The following IRAG1 variants were observed in gnomAD, a reference collection of about 807,000 sequenced individuals.
IRAG1 encodes the protein inositol 1,4,5-triphosphate receptor associated 1.
A neutral mutation model predicts 106.2 loss-of-function variants in IRAG1; 62 were observed. That is an observed-to-expected ratio of 0.58 (90% CI 0.48 to 0.72). The LOEUF (loss-of-function observed/expected upper bound fraction) is 0.72. Among genes scored for constraint, IRAG1 ranks in the 30% least tolerant of loss-of-function variants. The pLI is 0.00. For missense variants in IRAG1, 1,064 were observed against 1,140.7 expected, an observed-to-expected ratio of 0.93 and a Z score of 0.97; for synonymous variants, 462 against 443.9, an observed-to-expected ratio of 1.04 and a Z score of -0.51.
intron 1 of IRAG1, among the ~76,000 whole-genome samples, chr11:10,655,808 T>C (rs1858875834): frequency 6.6e-6 from 1 of 152,170 alleles, no homozygotes; most frequent in Non-Finnish European, 1.5e-5. Context: ...CTTAAGTCAG[T>C]CCCTGTGACA....
At position 10,609,759 on chromosome 11, in the gene IRAG1, T is replaced by G; in HGVS notation, c.1540A>C (p.Lys514Gln). ...GGGAGACTCCTGTGGACCCGCAGTT[T>G]GCGCAGCAGCACATCAGAAATATTA... ...MPNISDVLLR[K>Q]LRVHRSLPGS... The change falls in exon 11 of 21, where the codon AAA becomes CAA. Residue 514 changes from lysine to glutamine, a missense_variant. By Grantham distance (53) the Lys-to-Gln change is moderately conservative. Coordinates refer to ENST00000423302, the MANE Select transcript of IRAG1 (RefSeq NM_130385.4). The G allele has an allele frequency of 6.2e-7, 1 of 1,613,964 alleles. No individual in the cohort carries two copies. Among genetic ancestry groups the G allele is most frequent in the Non-Finnish European group, 8.5e-7 (1 of 1,179,850 alleles).
chr11:10,580,516 T>G lies in IRAG1; in HGVS notation c.2434A>C (p.Ser812Arg). ...TCTACCTCTTCAGGTTCCTCAGGACTCTCACTCTTCTGTTCTTCCTCCTCC... is the reference window on the plus strand; with the variant it reads ...TCTACCTCTTCAGGTTCCTCAGGACGCTCACTCTTCTGTTCTTCCTCCTCC... ...KEEEEEQKSE[S>R]PEEPEEVEET... Residue 812 changes from serine to arginine, a missense_variant, in exon 20 of 21, where the codon AGT becomes CGT. Transcript: ENST00000423302. The G allele has an allele frequency of 6.2e-7, 1 of 1,613,934 alleles. No individual in the cohort carries two copies. The highest frequency in any genetic ancestry group is 8.5e-7 in the Non-Finnish European group (1 of 1,179,836).
intron 18 of IRAG1, among the ~76,000 whole-genome samples, chr11:10,587,171 C>G (rs568260218): frequency 4.9e-4 from 75 of 152,280 alleles, no homozygotes; most frequent in South Asian, 8.3e-4. Context: ...ACACGTGCAC[C>G]AGGTCAAAAA....
rs747692624 is a variant in IRAG1 at position 10,601,048 on chromosome 11, C to T, written c.1887G>A (p.Met629Ile). Residue 629 changes from methionine (M) to isoleucine (I), a missense_variant, in exon 15 of 21, where the codon ATG (methionine) becomes ATA (isoleucine). By Grantham distance (10) the Met-to-Ile change is conservative (BLOSUM62 1). Transcript: ENST00000423302. ...VVGAVRQEKR[M>I]SKATEVMMQY... ...GCATCATCACTTCCGTTGCTTTCGA[C>T]ATGCGCTTTTCCTGCGGGGAAGGAG... 2.5e-5 allele frequency: 40 copies of T among 1,613,886 alleles called. No individual in the cohort carries two copies. The highest frequency in any genetic ancestry group is 3.2e-5 in the Non-Finnish European group (38 of 1,179,900).
In IRAG1 at chr11:10,576,078, A is replaced by C; in HGVS notation, c.*254T>G. 4.0e-6 allele frequency: 2 copies of C among 497,346 alleles called. No homozygotes were observed. Among genetic ancestry groups the C allele is most frequent in the Non-Finnish European group, 3.6e-6 (1 of 274,432 alleles). 30.8% of individuals were successfully genotyped at this position (497,346 alleles called of 1,614,324 possible). On this transcript the variant is annotated 3_prime_UTR_variant, in exon 21 of 21. Transcript: ENST00000423302. ...CTAGGGGCAGGAGACCTTCCCTTCCAATAGAGTTCCTTGGTGAAGGTGACT... is the reference window on the plus strand; with the variant it reads ...CTAGGGGCAGGAGACCTTCCCTTCCCATAGAGTTCCTTGGTGAAGGTGACT...
At chr11:10,691,987 A>T (rs1361505584) in intron 1 of IRAG1, among the ~76,000 whole-genome samples, 1 of 152,212 alleles carries the variant, frequency 6.6e-6, no homozygotes, top group Non-Finnish European at 1.5e-5. Context: ...GGGAAGGGGA[A>T]CAGTGTTCAA....
At chr11:10,608,052 T>G (rs887449200) in intron 11 of IRAG1, among the ~76,000 whole-genome samples, 2 of 152,208 alleles carry the variant, frequency 1.3e-5, no homozygotes, top group Non-Finnish European at 2.9e-5. Context: ...AAACCAAACA[T>G]TTTTCTATTT....
chr11:10,646,786 G>C (rs950033705), intron 2 of IRAG1, among the ~76,000 whole-genome samples: 1 of 152,166 alleles, frequency 6.6e-6, no homozygotes, highest in African/African-American at 2.4e-5. Flanking sequence ...GAGACCCAGA[G>C]TGCCTCATGC....
chr11:10,576,695 A>G (rs1850846462), intron 20 of IRAG1, 120 bp from the exon 21 acceptor site: 1 of 1,271,260 alleles, frequency 7.9e-7, no homozygotes, highest in Non-Finnish European at 1.1e-6. Flanking sequence ...TCTCAAACTT[A>G]GCTGTGCCTA....
At chr11:10,668,468 C>G (rs1438320748) in intron 1 of IRAG1, among the ~76,000 whole-genome samples, 1 of 152,160 alleles carries the variant, frequency 6.6e-6, no homozygotes. Flanking sequence ...CAAATCTGAC[C>G]AACTAATGGT....
chr11:10,634,807 T>G (rs552837038), intron 2 of IRAG1, among the ~76,000 whole-genome samples: 1 of 147,654 alleles, frequency 6.8e-6, no homozygotes, highest in Non-Finnish European at 1.5e-5. Flanking sequence ...AATATTTTAT[T>G]GTGTATATAT....
chr11:10,597,966 T>C (rs926872470), intron 15 of IRAG1, among the ~76,000 whole-genome samples: 3 of 152,250 alleles, frequency 2.0e-5, no homozygotes, highest in Non-Finnish European at 4.4e-5. Context: ...CTGCTGTCAC[T>C]TTGTGAGCAC....
chr11:10,621,602 CTG>C (rs1855840071), intron 10 of IRAG1, among the ~76,000 whole-genome samples: 1 of 152,180 alleles, frequency 6.6e-6, no homozygotes, highest in African/African-American at 2.4e-5. Flanking sequence ...AGTTTTAAAA[CTG>C]TTCATGAGAT....
At chr11:10,621,847 G>A (rs906404682) in intron 10 of IRAG1, among the ~76,000 whole-genome samples, 7 of 152,130 alleles carry the variant, frequency 4.6e-5, no homozygotes, top group Non-Finnish European at 1.0e-4. Context: ...AAATGAGCTC[G>A]ACACAAAAGG....
chr11:10,674,377 T>G (rs1860482892), intron 1 of IRAG1, among the ~76,000 whole-genome samples: 2 of 152,090 alleles, frequency 1.3e-5, no homozygotes, highest in Non-Finnish European at 1.5e-5. Flanking sequence ...ATAAACGGGT[T>G]TTTACAAGTA....
intron 12 of IRAG1, among the ~76,000 whole-genome samples, chr11:10,605,175 A>T (rs1854377911): frequency 6.6e-6 from 1 of 152,258 alleles, no homozygotes; most frequent in Non-Finnish European, 1.5e-5. Flanking sequence ...TGAAAAGATA[A>T]TATTGGTCAT....
In IRAG1 at chr11:10,663,383, T is replaced by G. The variant is rs75429394; in HGVS notation, c.68-11201A>C. On this transcript the variant is annotated intron_variant, in intron 1 of 20. Coordinates refer to ENST00000423302, the MANE Select transcript of IRAG1 (RefSeq NM_130385.4). ...TATTAGGAACCTGTAGGAATACATA[T>G]AGGAATATAGGAATATATGTAGGAA... Among the ~76,000 whole-genome samples, 144 of 152,198 alleles carry G rather than the reference T, an allele frequency of 9.5e-4. 2 individuals carry two copies. The East Asian group carries it at 0.023, about 24-fold the overall frequency.
chr11:10,614,978 T>G (rs1265281738), intron 10 of IRAG1, among the ~76,000 whole-genome samples: 2 of 152,128 alleles, frequency 1.3e-5, no homozygotes, highest in African/African-American at 4.8e-5. Flanking sequence ...CAAAAGAAAC[T>G]ACCATCAGAG....
intron 1 of IRAG1, among the ~76,000 whole-genome samples, chr11:10,674,839 G>C (rs1388443486): frequency 2.0e-5 from 3 of 152,214 alleles, no homozygotes; most frequent in Non-Finnish European, 4.4e-5. Context: ...TCTCTTGCCC[G>C]GGTCCCTCTT....
Sources: gnomAD v4.1 joint callset for allele counts (sites outside exome capture counted in the v4.1 genomes callset) on GRCh38, gnomAD v4.1.1 for gene constraint, MANE v1.5 for transcripts, NCBI Gene and HGNC (gene_info 2026-07-23, HGNC 2026-07-21) for gene names.